Variants in MYO1E observed in about 807,000 individuals in gnomAD.
MYO1E encodes unconventional myosin-Ie.
In MYO1E, 68 loss-of-function variants were observed where a neutral mutation model predicts 151.1. The observed-to-expected ratio is 0.45, with a 90% CI of 0.37 to 0.55. The LOEUF is 0.55. Among genes scored for constraint, MYO1E ranks in the 20% least tolerant of loss-of-function variants. The pLI is 0.00. For missense variants in MYO1E, 1,363 were observed against 1,389.3 expected, an observed-to-expected ratio of 0.98 and a Z score of 0.30; for synonymous variants, 601 against 501.7, an observed-to-expected ratio of 1.20 and a Z score of -2.64.
chr15:59,344,717 T>C (rs775952055), intron 1 of MYO1E, among the ~76,000 whole-genome samples: 1 of 152,128 alleles, frequency 6.6e-6, no homozygotes, highest in Non-Finnish European at 1.5e-5. Flanking sequence ...ACCACCAAAG[T>C]CCTTCCCACT....
At chr15:59,319,550 C>CATTTTTTTTTTTTTTTTTTT (rs2080611639) in intron 1 of MYO1E, among the ~76,000 whole-genome samples, 1 of 63,680 alleles carries the variant, frequency 1.6e-5, no homozygotes, top group East Asian at 4.9e-4. Context: ...GTCAAACTAC[C>CATTTTTTTTTTTTTTTTTTT]TTTTTTTTTT....
chr15:59,214,149 A>C (rs1041177939), intron 12 of MYO1E, 79 bp downstream of exon 12: 2 of 1,235,876 alleles, frequency 1.6e-6, no homozygotes, highest in Non-Finnish European at 2.3e-6. Flanking sequence ...GAAATCTATT[A>C]ACAAAAGACA....
At chr15:59,355,457 GAT>G (rs1412053135) in intron 1 of MYO1E, among the ~76,000 whole-genome samples, 2 of 152,088 alleles carry the variant, frequency 1.3e-5, no homozygotes, top group African/African-American at 4.8e-5. Context: ...TAGAGCTTAG[GAT>G]ACTTCACCCA....
In MYO1E at chr15:59,203,369, G is replaced by A. The variant is rs139540930; in HGVS notation, c.1617-962C>T. 7.8e-4 allele frequency among the ~76,000 whole-genome samples: 117 copies of A among 149,600 alleles called. 1 individual carries two copies. Among genetic ancestry groups the A allele is most frequent in the African/African-American group, 2.8e-3 (114 of 41,182 alleles). ...CAGTAACAAATCACCAGGCTCTGCC[G>A]GCTGAATATACTTTCTTTTTTTTTT... is the stretch of plus-strand genomic sequence containing the variant. On this transcript the variant is annotated intron_variant, in intron 15 of 27. Coordinates refer to ENST00000288235, the MANE Select transcript of MYO1E (RefSeq NM_004998.4).
chr15:59,299,499 G>A (rs1423540191), intron 1 of MYO1E, among the ~76,000 whole-genome samples: 1 of 152,196 alleles, frequency 6.6e-6, no homozygotes, highest in African/African-American at 2.4e-5. Flanking sequence ...GGGATAGGAT[G>A]ATGTTTTAAA....
intron 3 of MYO1E, among the ~76,000 whole-genome samples, chr15:59,258,822 G>A (rs565902421): frequency 6.6e-6 from 1 of 151,748 alleles, no homozygotes; most frequent in East Asian, 1.9e-4. Context: ...ACAGCACTGC[G>A]CTTCAGCATG....
intron 1 of MYO1E, among the ~76,000 whole-genome samples, chr15:59,363,978 A>T (rs111549115): frequency 0.012 from 1,789 of 152,144 alleles, 31 homozygotes; most frequent in African/African-American, 0.038. Flanking sequence ...GGGTTTTGAC[A>T]TGTTGGCCAG....
chr15:59,160,336 C>CGCGTGT (rs1555407721), intron 24 of MYO1E, among the ~76,000 whole-genome samples: 2 of 120,084 alleles, frequency 1.7e-5, no homozygotes, highest in Admixed American at 1.7e-4. Context: ...TGAGGTAGTG[C>CGCGTGT]GTGTGTGTGT....
At chr15:59,343,701 TTTTTC>T (rs1312937444) in intron 1 of MYO1E, among the ~76,000 whole-genome samples, 1 of 152,086 alleles carries the variant, frequency 6.6e-6, no homozygotes, top group East Asian at 1.9e-4. Flanking sequence ...TTTTTATTCT[TTTTTC>T]TTTTGTCTCC....
chr15:59,236,801 T>G, intron 4 of MYO1E, 129 bp from the exon 5 acceptor site: 2 of 871,488 alleles, frequency 2.3e-6, no homozygotes, highest in Non-Finnish European at 1.9e-6. Context: ...AAGAATTTTT[T>G]TTTTTAAGTA....
At chr15:59,223,700 G>C (rs1459379465) in intron 8 of MYO1E, among the ~76,000 whole-genome samples, 2 of 152,146 alleles carry the variant, frequency 1.3e-5, no homozygotes, top group African/African-American at 2.4e-5. Context: ...ACTTGCAAAA[G>C]GATCTTAATG....
intron 18 of MYO1E, among the ~76,000 whole-genome samples, chr15:59,184,540 T>C (rs1340851650): frequency 2.0e-5 from 3 of 151,852 alleles, no homozygotes; most frequent in Non-Finnish European, 4.4e-5. Context: ...TTTGTATTTT[T>C]AGTAGAGACA....
chr15:59,329,401 T>A (rs1291215170), intron 1 of MYO1E, among the ~76,000 whole-genome samples: 1 of 152,248 alleles, frequency 6.6e-6, no homozygotes, highest in Non-Finnish European at 1.5e-5. Flanking sequence ...GAGAATCTTA[T>A]GATCAATCCA....
At chr15:59,180,848 G>A (rs1748921729) in intron 18 of MYO1E, among the ~76,000 whole-genome samples, 1 of 152,198 alleles carries the variant, frequency 6.6e-6, no homozygotes, top group South Asian at 2.1e-4. Context: ...GATAATTTTG[G>A]ACAGATGGCA....
At position 59,136,772 on chromosome 15, in the gene MYO1E, CCT is replaced by C. The variant is rs1491037938; in HGVS notation, c.*606_*607del. 4 of 456,394 alleles carry C rather than the reference CCT, an allele frequency of 8.8e-6. No individual in the cohort carries two copies. Among genetic ancestry groups the C allele is most frequent in the Non-Finnish European group, 1.8e-5 (4 of 226,830 alleles). 28.3% of individuals were successfully genotyped at this position (456,394 alleles called of 1,614,324 possible). On this transcript the variant is annotated 3_prime_UTR_variant, in exon 28 of 28. Coordinates refer to ENST00000288235, the MANE Select transcript of MYO1E (RefSeq NM_004998.4). ...GCAGCCCAGCCCCCAGCCCCCAGCC[CCT>C]GACCTGCTTGGCGGCCCTGATGGTC...
At chr15:59,321,108 G>T (rs930301782) in intron 1 of MYO1E, among the ~76,000 whole-genome samples, 16 of 152,140 alleles carry the variant, frequency 1.1e-4, no homozygotes, top group Non-Finnish European at 1.9e-4. Flanking sequence ...AATTATCATA[G>T]AAATACAAAT....
At chr15:59,183,299 CAAAAA>C (rs779761694) in intron 18 of MYO1E, among the ~76,000 whole-genome samples, 1 of 150,210 alleles carries the variant, frequency 6.7e-6, no homozygotes, top group Admixed American at 6.6e-5. Context: ...ACTGGTTTCT[CAAAAA>C]ACAAACAAAA....
At chr15:59,138,678 C>G (rs1407487026) in intron 26 of MYO1E, among the ~76,000 whole-genome samples, 1 of 152,168 alleles carries the variant, frequency 6.6e-6, no homozygotes, top group East Asian at 1.9e-4. Context: ...ACATTTAAAT[C>G]AGGAACATTC....
intron 17 of MYO1E, among the ~76,000 whole-genome samples, chr15:59,190,091 G>A (rs2079723981): frequency 6.6e-6 from 1 of 152,208 alleles, no homozygotes. Flanking sequence ...TCTGGATGCC[G>A]ACAGATCCTG....
Sources: gnomAD v4.1 joint callset for allele counts (sites outside exome capture counted in the v4.1 genomes callset) on GRCh38, gnomAD v4.1.1 for gene constraint, MANE v1.5 for transcripts, NCBI Gene and HGNC (gene_info 2026-07-23, HGNC 2026-07-21) for gene names.